FLT3LG: variants seen among roughly 807,000 people sequenced by gnomAD.
FLT3LG encodes the protein fms-related tyrosine kinase 3 ligand.
A neutral mutation model predicts 30.9 loss-of-function variants in FLT3LG; 8 were observed. The ratio of observed to expected loss-of-function variants is 0.26; its 90% CI spans 0.15 to 0.47. The LOEUF is 0.47. Ranked by LOEUF, FLT3LG falls within the 20% of genes least tolerant of loss-of-function variation. FLT3LG has a pLI of 0.99. For missense variants in FLT3LG, 278 were observed against 306.2 expected (o/e 0.91, Z 0.69); for synonymous variants, 123 against 135.9 (o/e 0.91, Z 0.66).
Position 49,476,019 on chromosome 19 carries a change from C to A in FLT3LG, c.145-126C>A. 2 of 1,163,084 alleles carry A rather than the reference C, an allele frequency of 1.7e-6. No homozygotes were observed. The highest frequency in any genetic ancestry group is 2.6e-6 in the Non-Finnish European group (2 of 779,710). The allele number at this position is 1,163,084 out of a possible 1,614,324, so 72.0% of individuals were successfully genotyped here. A position where few individuals can be genotyped will look rare whatever the true frequency, so the allele number is the denominator to read the frequency against. On this transcript the variant is annotated intron_variant, in intron 3 of 8. Transcript: ENST00000597551. This position sits in a 1 kb window ranked among gnomAD's most constrained non-coding sequence, Gnocchi z 5.3. ...CCTTTTTAAGGGCAAGGTTCTGTGGCTTCTTCTGGGCTCCCCCTCTCTTGG... is the reference window on the plus strand; with the variant it reads ...CCTTTTTAAGGGCAAGGTTCTGTGGATTCTTCTGGGCTCCCCCTCTCTTGG...
Position 49,478,862 on chromosome 19 carries a change from C to CGGTGGGGGGATGACGT in FLT3LG, c.343-41_343-26dup, listed in dbSNP as rs1173529670. ...GAAGGGCCTTTGGCCTGCGGAGGGG[C>CGGTGGGGGGATGACGT]GGTGGGGGGATGACGTGGTGGTGAC... On this transcript the variant is annotated intron_variant, in intron 5 of 8. Transcript: ENST00000597551. 21 of 1,458,476 alleles carry CGGTGGGGGGATGACGT rather than the reference C, an allele frequency of 1.4e-5. No homozygotes were observed. The African/African-American group carries it at 2.9e-4, about 20-fold the overall frequency. The allele number at this position is 1,458,476 out of a possible 1,614,324, so 90.3% of individuals were successfully genotyped here. A position where few individuals can be genotyped will look rare whatever the true frequency, so the allele number is the denominator to read the frequency against.
At chr19:49,478,756 CA>C (rs113267803) in intron 5 of FLT3LG, among the ~76,000 whole-genome samples, 152 bp from the exon 6 acceptor site, 2 of 145,868 alleles carry the variant, frequency 1.4e-5, no homozygotes, top group Non-Finnish European at 3.0e-5. Context: ...GACTCTATCT[CA>C]AAAAAAAATT....
In FLT3LG at chr19:49,480,612, C is replaced by G; in HGVS notation, c.*13C>G. On this transcript the variant is annotated 3_prime_UTR_variant, in exon 8 of 9. Coordinates refer to ENST00000597551, the MANE Select transcript of FLT3LG (RefSeq NM_001459.4). ...TGTGGAGCACTGACCTGGCCAAGGC[C>G]TCATCCTGGTGAGTCCTTCCTGGGC... 1 of 1,611,090 alleles carries G rather than the reference C, an allele frequency of 6.2e-7. No homozygotes were observed. The highest frequency in any genetic ancestry group is 1.1e-5 in the South Asian group (1 of 90,370).
chr19:49,482,129 CT>C (rs778164229), intron 8 of FLT3LG: 868 of 139,480 alleles, frequency 6.2e-3, no homozygotes, highest in Non-Finnish European at 8.9e-3. Context: ...TTCAGGTTGT[CT>C]TTTTTTTTTT....
In FLT3LG at chr19:49,476,676, A is replaced by T; in HGVS notation, c.342+110A>T. ...CGATTTGGACCATAGCCACCCAACGAAGGTAGAGCGAGAAGCGCCACCCTG... is the reference window on the plus strand; with the variant it reads ...CGATTTGGACCATAGCCACCCAACGTAGGTAGAGCGAGAAGCGCCACCCTG... On this transcript the variant is annotated intron_variant, in intron 5 of 8. Transcript: ENST00000597551. This position sits in a 1 kb window ranked among gnomAD's most constrained non-coding sequence, Gnocchi z 5.3. 6.8e-7 allele frequency: 1 copy of T among 1,468,918 alleles called. No homozygotes were observed. Among genetic ancestry groups the T allele is most frequent in the Non-Finnish European group, 9.3e-7 (1 of 1,075,580 alleles). The allele number at this position is 1,468,918 out of a possible 1,614,324, so 91.0% of individuals were successfully genotyped here.
In FLT3LG at chr19:49,475,673, G is replaced by C. The variant is rs371508850; in HGVS notation, c.34-18G>C. The C allele has an allele frequency of 4.7e-5, 75 of 1,600,082 alleles. No individual in the cohort carries two copies. In the Middle Eastern group the frequency reaches 5.5e-4, roughly 12 times the overall value. ...TGTGGAACAGCAGAGGGCTCCCCCA[G>C]CACCCGCTCCCCTGCAGACCTATCT... On this transcript the variant is annotated intron_variant, in intron 2 of 8. Coordinates refer to ENST00000597551, the MANE Select transcript of FLT3LG (RefSeq NM_001459.4).
At chr19:49,484,259 T>G (rs1247353038) in intron 8 of FLT3LG, among the ~76,000 whole-genome samples, 1 of 150,662 alleles carries the variant, frequency 6.6e-6, no homozygotes, top group African/African-American at 2.4e-5. Context: ...TCCAATCTGT[T>G]TCCTGTCTTA....
chr19:49,484,742 G>A (rs1314603026), intron 8 of FLT3LG, among the ~76,000 whole-genome samples: 9 of 151,858 alleles, frequency 5.9e-5, no homozygotes, highest in Non-Finnish European at 8.8e-5. Context: ...TGATCTGCCC[G>A]CCTTGACCTC....
At chr19:49,479,959 A>G (rs963350841) in intron 6 of FLT3LG, among the ~76,000 whole-genome samples, 2 of 151,644 alleles carry the variant, frequency 1.3e-5, no homozygotes, top group African/African-American at 4.9e-5. Context: ...TGCGCATACC[A>G]TGCCTGGCTA....
At position 49,475,725 on chromosome 19, in the gene FLT3LG, G is replaced by A. The variant is rs766447936; in HGVS notation, c.68G>A (p.Gly23Glu). 1.2e-6 allele frequency: 2 copies of A among 1,610,714 alleles called. No individual in the cohort carries two copies. Among genetic ancestry groups the A allele is most frequent in the East Asian group, 2.2e-5 (1 of 44,874 alleles). Residue 23 changes from glycine to glutamate, a missense_variant, in exon 3 of 9, where the codon GGA (glycine) becomes GAA (glutamate). Coordinates refer to ENST00000597551, the MANE Select transcript of FLT3LG (RefSeq NM_001459.4). ...CTCCTGCTGCTGCTGCTGAGCTCGG[G>A]ACTCAGTGGGACCCAGGACTGCTCC... ...YLLLLLLLSSGLSGTQDCSFQ... is the reference protein window; with the variant it reads ...YLLLLLLLSSELSGTQDCSFQ...
chr19:49,481,727 T>C, intron 8 of FLT3LG: 1 of 152,490 alleles, frequency 6.6e-6, no homozygotes, highest in Non-Finnish European at 1.5e-5. Context: ...ACTCTCACTC[T>C]GTCACCCAGG....
chr19:49,475,759 C>T lies in FLT3LG; in HGVS notation c.102C>T (p.His34=), dbSNP rs369176469. The stretch of plus-strand genomic sequence containing the variant: ...GGACCCAGGACTGCTCCTTCCAACA[C>T]AGCCCCATCTCCTCCGACTTCGCTG... ...LSGTQDCSFQ[H]SPISSDFAVK... Residue 34 remains histidine, a synonymous_variant, in exon 3 of 9, where the codon CAC becomes CAT. Transcript: ENST00000597551. The T allele has an allele frequency of 2.1e-5, 34 of 1,612,518 alleles. No individual in the cohort carries two copies. Among genetic ancestry groups the T allele is most frequent in the Non-Finnish European group, 2.7e-5 (32 of 1,179,912 alleles).
rs990313017 is a variant in FLT3LG, at chr19:49,476,366, A to G, written c.199-57A>G. The G allele has an allele frequency of 5.1e-6, 8 of 1,572,732 alleles. No individual in the cohort carries two copies. In the East Asian group the frequency reaches 1.8e-4, roughly 36 times the overall value. On this transcript the variant is annotated intron_variant, in intron 4 of 8. Transcript: ENST00000597551. This position sits in a 1 kb window ranked among gnomAD's most constrained non-coding sequence, Gnocchi z 5.3. ...GCCCCGGCCCAGCCCCTCCTCCCTCAGACCCAGCAGCCCCGTGCCCAGCTC... is the reference window on the plus strand; with the variant it reads ...GCCCCGGCCCAGCCCCTCCTCCCTCGGACCCAGCAGCCCCGTGCCCAGCTC...
rs138419056 is a variant in FLT3LG, at chr19:49,479,961, G to T, written c.482-337G>T. On this transcript the variant is annotated intron_variant, in intron 6 of 8. Coordinates refer to ENST00000597551, the MANE Select transcript of FLT3LG (RefSeq NM_001459.4). ...CTGGGATTACAGATGCGCATACCAT[G>T]CCTGGCTAGTTTTTGTGTTTTTAGT... Among the ~76,000 whole-genome samples, 422 of 152,060 alleles carry T rather than the reference G, an allele frequency of 2.8e-3. 1 individual carries two copies. Among genetic ancestry groups the T allele is most frequent in the African/African-American group, 9.7e-3 (401 of 41,464 alleles).
intron 8 of FLT3LG, 101 bp from the exon 9 acceptor site, chr19:49,485,913 AT>A (rs1366126456): frequency 1.3e-5 from 2 of 152,262 alleles, no homozygotes; most frequent in African/African-American, 4.8e-5. Flanking sequence ...TGTTTTGGGC[AT>A]AAATCTGTGG....
chr19:49,484,115 C>T (rs1343279866), intron 8 of FLT3LG, among the ~76,000 whole-genome samples: 2 of 150,330 alleles, frequency 1.3e-5, no homozygotes, highest in Non-Finnish European at 3.0e-5. Flanking sequence ...GATCTCTTGA[C>T]CTCGTGATCT....
At chr19:49,474,517 C>A in intron 1 of FLT3LG, 86 bp from the exon 2 acceptor site, 1 of 818,914 alleles carries the variant, frequency 1.2e-6, no homozygotes, top group South Asian at 1.6e-5. Context: ...ATCAATGGGA[C>A]GCGGGAGGGG....
In FLT3LG at chr19:49,476,229, A is replaced by C. The variant is rs760869146; in HGVS notation, c.198+31A>C. On this transcript the variant is annotated intron_variant, in intron 4 of 8. Coordinates refer to ENST00000597551, the MANE Select transcript of FLT3LG (RefSeq NM_001459.4). This position sits in a 1 kb window ranked among gnomAD's most constrained non-coding sequence, Gnocchi z 5.3. ...TCATGTTGGGAGGGACCTGGGATGG[A>C]GGTGGGGACCACAGACTCAAGATGC... The C allele has an allele frequency of 1.3e-6, 2 of 1,577,462 alleles. No individual in the cohort carries two copies. The highest frequency in any genetic ancestry group is 2.2e-5 in the South Asian group (2 of 90,390).
intron 5 of FLT3LG, 142 bp from the exon 6 acceptor site, chr19:49,478,763 AAATT>A (rs143539042): frequency 0.12 from 87,591 of 736,548 alleles, 8,206 homozygotes; most frequent in African/African-American, 0.4. Context: ...TCTCAAAAAA[AAATT>A]AATTAATTAA....
Sources: gnomAD v4.1 joint callset for allele counts (sites outside exome capture counted in the v4.1 genomes callset) on GRCh38, gnomAD v4.1.1 for gene constraint, Gnocchi (gnomAD v3.1) non-coding constraint, MANE v1.5 for transcripts, NCBI Gene and HGNC (gene_info 2026-07-23, HGNC 2026-07-21) for gene names.